The following POLR1E variants were observed in gnomAD, a reference collection of about 807,000 sequenced individuals.
The protein encoded by POLR1E is RNA polymerase I subunit E, also known as DNA-directed RNA polymerase I subunit RPA49.
Under a neutral mutation model 50.9 loss-of-function variants are expected in POLR1E, and 37 were observed. That is an observed-to-expected ratio of 0.73 (90% confidence interval 0.56 to 0.96). The LOEUF (loss-of-function observed/expected upper bound fraction) is 0.96. Ranked by LOEUF, POLR1E falls within the 40% of genes least tolerant of loss-of-function variation. POLR1E has a pLI of 0.00. For synonymous variants in POLR1E, 166 were observed against 191.6 expected, an observed-to-expected ratio of 0.87 and a Z score of 1.10; for missense variants, 426 against 518.1, an observed-to-expected ratio of 0.82 and a Z score of 1.73.
rs113610145 is a variant in POLR1E, at chr9:37,489,816, C to T, written c.343+416C>T. Reference sequence around the variant, plus strand: ...CTCAAACTCTTGACCTCAGGTGATCCACCTGCCTCGGCCTCCCAAAGTGCT... The same window carrying T: ...CTCAAACTCTTGACCTCAGGTGATCTACCTGCCTCGGCCTCCCAAAGTGCT... On this transcript the variant is annotated intron_variant, in intron 4 of 11. Coordinates refer to ENST00000377798, the MANE Select transcript of POLR1E (RefSeq NM_022490.4). Among the ~76,000 whole-genome samples the T allele has an allele frequency of 4.4e-3, 675 of 152,324 alleles. 6 individuals are homozygous for T. The highest frequency in any genetic ancestry group is 0.015 in the African/African-American group (631 of 41,572).
chr9:37,489,293 G>T, intron 3 of POLR1E, 22 bp from the exon 4 acceptor site: 5 of 1,492,230 alleles, frequency 3.4e-6, no homozygotes, highest in Non-Finnish European at 3.7e-6. Flanking sequence ...ATTGTTATTT[G>T]TATTATTTCT....
chr9:37,488,102 G>A (rs1050095152), intron 3 of POLR1E, among the ~76,000 whole-genome samples, 163 bp downstream of exon 3: 23 of 152,220 alleles, frequency 1.5e-4, no homozygotes, highest in African/African-American at 5.3e-4. Context: ...TTCCCTGCAC[G>A]TGTAGACGTT....
chr9:37,489,484 A>G (rs1208045283), intron 4 of POLR1E, 84 bp downstream of exon 4: 1 of 878,260 alleles, frequency 1.1e-6, no homozygotes. Context: ...AGATTTATAA[A>G]ACACATTTTA....
rs139118594 is a variant in POLR1E at position 37,500,155 on chromosome 9, TTTTTGTTTTGTTTTGTTTTG to T, written c.887-660_887-641del. 9.6e-5 allele frequency among the ~76,000 whole-genome samples: 14 copies of T among 146,126 alleles called. No individual in the cohort carries two copies. In the South Asian group the frequency reaches 1.1e-3, roughly 12 times the overall value. On this transcript the variant is annotated intron_variant, in intron 9 of 11. Transcript: ENST00000377798. ...TGAGCCACTATGCCCAGCCAGTTGT[TTTTTGTTTTGTTTTGTTTTG>T]TTTTGTTTTGTTTTGTTTTGTTTTT...
At chr9:37,488,017 C>A in intron 3 of POLR1E, 78 bp downstream of exon 3, 1 of 1,442,204 alleles carries the variant, frequency 6.9e-7, no homozygotes, top group Non-Finnish European at 9.7e-7. Flanking sequence ...TGTTTCCTGT[C>A]TGTTTTAAGG....
At chr9:37,496,776 T>G (rs1820794198) in intron 8 of POLR1E, among the ~76,000 whole-genome samples, 1 of 152,098 alleles carries the variant, frequency 6.6e-6, no homozygotes, top group South Asian at 2.1e-4. Context: ...AACTCTGCCC[T>G]TATCTTCCCT....
intron 8 of POLR1E, among the ~76,000 whole-genome samples, chr9:37,496,973 C>A (rs2119013069): frequency 6.6e-6 from 1 of 152,262 alleles, no homozygotes; most frequent in South Asian, 2.1e-4. Flanking sequence ...GGCATCATCT[C>A]TTAATCCAGA....
intron 2 of POLR1E, 49 bp from the exon 3 acceptor site, chr9:37,487,814 T>A: frequency 6.5e-7 from 1 of 1,536,246 alleles, no homozygotes; most frequent in Non-Finnish European, 9.0e-7. Context: ...TGATGCTTAA[T>A]ACCTTTCAAC....
intron 1 of POLR1E, chr9:37,486,467 C>T (rs755583101): frequency 4.8e-5 from 74 of 1,551,038 alleles, no homozygotes; most frequent in Non-Finnish European, 6.1e-5. Context: ...CTGTCAGCCT[C>T]CTTCCGCGAG....
chr9:37,493,790 T>G, intron 6 of POLR1E, 87 bp downstream of exon 6: 1 of 1,340,230 alleles, frequency 7.5e-7, no homozygotes, highest in Non-Finnish European at 9.8e-7. Context: ...ACACATGGAA[T>G]GCTGGGAGCT....
chr9:37,488,530 T>C (rs1820618698), intron 3 of POLR1E, among the ~76,000 whole-genome samples: 1 of 140,242 alleles, frequency 7.1e-6, no homozygotes, highest in Admixed American at 7.2e-5. Context: ...CGGTGGACCA[T>C]ACTCCAATAG....
At chr9:37,500,155 TTTTTG>T (rs139118594) in intron 9 of POLR1E, among the ~76,000 whole-genome samples, 76,473 of 145,682 alleles carry the variant, frequency 0.52, 22,393 homozygotes, top group Middle Eastern at 0.72. Flanking sequence ...AGCCAGTTGT[TTTTTG>T]TTTTGTTTTG....
At chr9:37,492,165 C>A in intron 4 of POLR1E, 1 of 896,972 alleles carries the variant, frequency 1.1e-6, no homozygotes, top group Non-Finnish European at 1.5e-6. Flanking sequence ...ACAGGCAAGG[C>A]CACTCCAGAG....
At chr9:37,494,424 A>G (rs1020490473) in intron 6 of POLR1E, among the ~76,000 whole-genome samples, 3 of 152,138 alleles carry the variant, frequency 2.0e-5, no homozygotes, top group African/African-American at 4.8e-5. Context: ...ATAGATTTCA[A>G]CACTTTCACA....
In POLR1E at chr9:37,493,721, G is replaced by T; in HGVS notation, c.547+18G>T. The T allele has an allele frequency of 1.3e-6, 2 of 1,489,804 alleles. No homozygotes were observed. The highest frequency in any genetic ancestry group is 1.4e-5 in the South Asian group (1 of 70,510). 92.3% of individuals were successfully genotyped at this position (1,489,804 alleles called of 1,614,324 possible). On this transcript the variant is annotated intron_variant, in intron 6 of 11. Transcript: ENST00000377798. ...TGTGACTGGTAAGAAGTTGGAACTT[G>T]GGCTAAGAGTCTGCCCATAATGACA... is the stretch of plus-strand genomic sequence containing the variant.
At chr9:37,493,369 G>A (rs1264175309) in intron 5 of POLR1E, among the ~76,000 whole-genome samples, 190 bp from the exon 6 acceptor site, 1 of 152,166 alleles carries the variant, frequency 6.6e-6, no homozygotes, top group Non-Finnish European at 1.5e-5. Context: ...AGATGCTGTT[G>A]ATTGATCAAT....
intron 8 of POLR1E, among the ~76,000 whole-genome samples, chr9:37,497,067 C>T (rs570647875): frequency 7.5e-4 from 114 of 152,274 alleles, no homozygotes; most frequent in African/African-American, 2.0e-3. Context: ...TACCAAGAAA[C>T]TTGCCCCGCT....
Position 37,492,716 on chromosome 9 carries a change from G to A in POLR1E, c.402+1G>A. ...TCAGACCAAAACTTACAGAGAAAAG[G>A]TGAGTGTGATAGAATTAAGATGTGG... On this transcript the variant is annotated splice_donor_variant, in intron 5 of 11. Transcript: ENST00000377798. LOFTEE classifies it high-confidence loss of function. 1 of 1,613,640 alleles carries A rather than the reference G, an allele frequency of 6.2e-7. No individual in the cohort carries two copies. Among genetic ancestry groups the A allele is most frequent in the Non-Finnish European group, 8.5e-7 (1 of 1,179,606 alleles).
At chr9:37,499,203 G>A (rs781143712) in intron 9 of POLR1E, among the ~76,000 whole-genome samples, 1 of 152,186 alleles carries the variant, frequency 6.6e-6, no homozygotes, top group African/African-American at 2.4e-5. Flanking sequence ...CAAGGTGAGA[G>A]GATCACTTCA....
Sources: allele counts gnomAD v4.1 joint callset (sites outside exome capture counted in the v4.1 genomes callset), GRCh38; gene constraint gnomAD v4.1.1; transcripts MANE v1.5; gene names NCBI Gene and HGNC (gene_info 2026-07-23, HGNC 2026-07-21).